Variants in KANSL2 observed in about 807,000 individuals in gnomAD.
KANSL2 encodes the protein NSL complex protein NSL2.
Under a neutral mutation model 55.6 loss-of-function variants are expected in KANSL2, and 34 were observed. The ratio of observed to expected loss-of-function variants is 0.61; its 90% CI spans 0.46 to 0.81. KANSL2 has a LOEUF of 0.81. KANSL2 is among the 40% of genes least tolerant of loss of function. KANSL2 has a pLI of 0.00. For missense variants in KANSL2, 502 were observed against 609.9 expected, an observed-to-expected ratio of 0.82 and a Z score of 1.86; for synonymous variants, 209 against 214.3, an observed-to-expected ratio of 0.98 and a Z score of 0.22.
intron 6 of KANSL2, among the ~76,000 whole-genome samples, chr12:48,668,428 C>G (rs1939642041): frequency 6.6e-6 from 1 of 152,364 alleles, no homozygotes; most frequent in Non-Finnish European, 1.5e-5. Context: ...TGACTTCAAG[C>G]TAAGTGCTTT....
intron 5 of KANSL2, 118 bp from the exon 6 acceptor site, chr12:48,669,390 G>A (rs1939664385): frequency 1.4e-6 from 1 of 699,566 alleles, no homozygotes. Context: ...AAAAGCAAAT[G>A]ACCCCCAATC....
At chr12:48,674,362 C>A (rs1939782722) in intron 4 of KANSL2, among the ~76,000 whole-genome samples, 1 of 152,102 alleles carries the variant, frequency 6.6e-6, no homozygotes, top group South Asian at 2.1e-4. Context: ...GTTTCCCAGG[C>A]TGGTCTCAAA....
chr12:48,671,515 C>G (rs1939712691), intron 5 of KANSL2, among the ~76,000 whole-genome samples: 1 of 152,070 alleles, frequency 6.6e-6, no homozygotes, highest in Non-Finnish European at 1.5e-5. Context: ...TCTTTTATGC[C>G]ATAATTTAAC....
At chr12:48,657,607 TG>T (rs1321559213) in intron 8 of KANSL2, among the ~76,000 whole-genome samples, 1 of 78,136 alleles carries the variant, frequency 1.3e-5, no homozygotes, top group Non-Finnish European at 3.5e-5. Context: ...GTGCAATTTG[TG>T]TGTGTGTGTG....
At chr12:48,660,858 T>C (rs1185767216) in intron 7 of KANSL2, among the ~76,000 whole-genome samples, 1 of 152,154 alleles carries the variant, frequency 6.6e-6, no homozygotes, top group East Asian at 1.9e-4. Context: ...CAACCTCCTT[T>C]TCAGGATCCT....
intron 2 of KANSL2, chr12:48,680,132 T>A (rs998630639): frequency 3.0e-5 from 8 of 271,044 alleles, no homozygotes; most frequent in Non-Finnish European, 5.7e-5. Flanking sequence ...CAATCATAGT[T>A]CACTGTAGCC....
chr12:48,659,965 T>C (rs1939458105), intron 8 of KANSL2, among the ~76,000 whole-genome samples: 1 of 152,158 alleles, frequency 6.6e-6, no homozygotes, highest in East Asian at 1.9e-4. Context: ...AAAAAGTAGA[T>C]TCATCGTGGC....
intron 7 of KANSL2, chr12:48,662,738 TC>T (rs776565134): frequency 2.3e-4 from 203 of 890,354 alleles, no homozygotes; most frequent in Non-Finnish European, 2.9e-4. Flanking sequence ...AAAAAATACT[TC>T]CCTTCTCTTT....
At chr12:48,659,253 C>T (rs1406998761) in intron 8 of KANSL2, among the ~76,000 whole-genome samples, 1 of 151,640 alleles carries the variant, frequency 6.6e-6, no homozygotes, top group African/African-American at 2.4e-5. Context: ...GAGATCACAT[C>T]ACTGCACTCC....
At chr12:48,680,048 T>G in intron 2 of KANSL2, 1 of 480,428 alleles carries the variant, frequency 2.1e-6, no homozygotes, top group Non-Finnish European at 3.8e-6. Context: ...TTCACCCTTG[T>G]AATCCCAGCA....
rs1189865888 is a variant in KANSL2 at position 48,654,092 on chromosome 12, A to T, written c.1431T>A (p.Ser477Arg). ...GCTTCCCATTTGCAGTAGCCAATCC[A>T]CTCTGAGACAATGGTGCAGAGGCTT... ...SEKASAPLSQ[S>R]GLATANGKPE... The change falls in exon 10 of 10, where the codon AGT (serine) becomes AGA (arginine). Residue 477 changes from serine to arginine, a missense_variant. Ser to Arg is a moderately radical substitution (Grantham distance 110, BLOSUM62 -1). Coordinates refer to ENST00000420613, the MANE Select transcript of KANSL2 (RefSeq NM_017822.4). The T allele has an allele frequency of 1.9e-6, 3 of 1,612,114 alleles. No individual in the cohort carries two copies. Among genetic ancestry groups the T allele is most frequent in the Non-Finnish European group, 2.5e-6 (3 of 1,179,200 alleles).
intron 7 of KANSL2, 84 bp from the exon 8 acceptor site, chr12:48,660,703 A>C: frequency 1.5e-6 from 2 of 1,378,708 alleles, no homozygotes; most frequent in Non-Finnish European, 2.0e-6. Flanking sequence ...CATAAAACTC[A>C]AGGTGTGGAC....
In KANSL2 at chr12:48,681,625, C is replaced by T; in HGVS notation, c.8G>A (p.Arg3Lys). Residue 3 changes from arginine to lysine, a missense_variant, in exon 2 of 10, where the codon AGG becomes AAG. Arg to Lys is a conservative substitution (Grantham distance 26). Coordinates refer to ENST00000420613, the MANE Select transcript of KANSL2 (RefSeq NM_017822.4). MN[R>K]IRIHVLPTNR... ...GGTTGGCAAGACGTGAATCCGAATC[C>T]TGTTCATAACCAAAACCTGCGGGGT... 6.2e-7 allele frequency: 1 copy of T among 1,614,062 alleles called. No individual in the cohort carries two copies.
intron 4 of KANSL2, among the ~76,000 whole-genome samples, chr12:48,672,409 GTA>G (rs10622680): frequency 1.3e-3 from 156 of 123,350 alleles, no homozygotes; most frequent in Non-Finnish European, 2.0e-3. Flanking sequence ...ATATATATAC[GTA>G]TATATATATA....
At chr12:48,674,707 C>G (rs1211226523) in intron 4 of KANSL2, among the ~76,000 whole-genome samples, 1 of 152,128 alleles carries the variant, frequency 6.6e-6, no homozygotes, top group African/African-American at 2.4e-5. Flanking sequence ...GGGTGGATCA[C>G]TTGAGGTCAG....
chr12:48,661,046 C>CT (rs1412509296), intron 7 of KANSL2: 1 of 185,588 alleles, frequency 5.4e-6, no homozygotes, highest in African/African-American at 2.4e-5. Flanking sequence ...CCTTAGCAGA[C>CT]TGGCAAAGTT....
chr12:48,655,973 A>G (rs1283921292), intron 8 of KANSL2, among the ~76,000 whole-genome samples: 2 of 152,190 alleles, frequency 1.3e-5, no homozygotes, highest in East Asian at 3.8e-4. Context: ...ACTACAATTA[A>G]AAAAATATTT....
intron 8 of KANSL2, among the ~76,000 whole-genome samples, chr12:48,658,154 C>T (rs1429013209): frequency 6.6e-6 from 1 of 152,044 alleles, no homozygotes; most frequent in Non-Finnish European, 1.5e-5. Flanking sequence ...TCGCTTGAAC[C>T]CAGGAGGCAG....
intron 2 of KANSL2, among the ~76,000 whole-genome samples, chr12:48,680,706 G>A (rs1939906437): frequency 6.6e-6 from 1 of 152,260 alleles, no homozygotes; most frequent in Non-Finnish European, 1.5e-5. Context: ...GCCAGGTGCG[G>A]TGGCTCACTC....
Sources: allele counts gnomAD v4.1 joint callset (sites outside exome capture counted in the v4.1 genomes callset), GRCh38; gene constraint gnomAD v4.1.1; transcripts MANE v1.5; gene names NCBI Gene and HGNC (gene_info 2026-07-23, HGNC 2026-07-21).